Variants in MSTO1 observed in about 807,000 individuals in gnomAD.
MSTO1 encodes the protein misato mitochondrial distribution and morphology regulator 1.
A neutral mutation model predicts 55.7 loss-of-function variants in MSTO1; 24 were observed. The ratio of observed to expected loss-of-function variants is 0.43; its 90% CI spans 0.31 to 0.61. The LOEUF is 0.61. Among genes scored for constraint, MSTO1 ranks in the 20% least tolerant of loss-of-function variants. The probability of loss-of-function intolerance (pLI) is 0.09; values close to 1 mark genes in which losing one functional copy is unlikely to be tolerated. For synonymous variants in MSTO1, 162 were observed against 252.8 expected (o/e 0.64, Z 3.41); for missense variants, 363 against 625.7 (o/e 0.58, Z 4.48).
chr1:155,569,376 C>T, the MSTO1 span, among the ~76,000 whole-genome samples: 2,594 of 150,582 alleles, frequency 0.017, 83 homozygotes, highest in African/African-American at 0.061. Flanking sequence ...ACCTCATGAT[C>T]CGCCCATCTC....
chr1:155,609,535 A>T (rs1558251952), upstream of MSTO1, among the ~76,000 whole-genome samples: 1 of 152,116 alleles, frequency 6.6e-6, no homozygotes, highest in African/African-American at 2.4e-5. Context: ...GGCGTGAACC[A>T]CCGCGCCCAG....
At chr1:155,604,712 C>T in the MSTO1 span, among the ~76,000 whole-genome samples, 18 of 151,708 alleles carry the variant, frequency 1.2e-4, no homozygotes, top group Non-Finnish European at 2.4e-4. Flanking sequence ...CTCATCTCTA[C>T]AAAAAATGCA....
At chr1:155,598,961 T>C in the MSTO1 span, 3 of 1,137,436 alleles carry the variant, frequency 2.6e-6, no homozygotes, top group Non-Finnish European at 3.9e-6. Flanking sequence ...TTCAGTTATC[T>C]TGTTACCGTG....
upstream of MSTO1, among the ~76,000 whole-genome samples, chr1:155,607,501 G>T (rs1209488149): frequency 6.6e-6 from 1 of 152,200 alleles, no homozygotes; most frequent in Non-Finnish European, 1.5e-5. Context: ...AGGAATGCAA[G>T]ATAGTATTAC....
the MSTO1 span, among the ~76,000 whole-genome samples, chr1:155,579,814 C>T: frequency 1.3e-5 from 2 of 152,084 alleles, no homozygotes; most frequent in African/African-American, 2.4e-5. Context: ...CTGTGGTTCT[C>T]GCCTGTAATC....
the MSTO1 span, chr1:155,586,652 T>A: frequency 2.0e-6 from 1 of 510,738 alleles, no homozygotes; most frequent in Non-Finnish European, 3.9e-6. Flanking sequence ...TTTTTAAGAG[T>A]ACAAGGACAA....
chr1:155,607,826 T>A (rs1422572026), upstream of MSTO1, among the ~76,000 whole-genome samples: 1 of 152,136 alleles, frequency 6.6e-6, no homozygotes, highest in Non-Finnish European at 1.5e-5. Flanking sequence ...GTGAAACCCC[T>A]TCTGTACAAA....
chr1:155,579,472 C>T, the MSTO1 span, among the ~76,000 whole-genome samples: 1 of 152,292 alleles, frequency 6.6e-6, no homozygotes, highest in African/African-American at 2.4e-5. Flanking sequence ...CTATTGAGTT[C>T]CCCATCACTG....
chr1:155,603,833 G>A, the MSTO1 span, among the ~76,000 whole-genome samples: 1 of 152,100 alleles, frequency 6.6e-6, no homozygotes, highest in Non-Finnish European at 1.5e-5. Flanking sequence ...ACTCCAGTCT[G>A]GGTGACAGAG....
At chr1:155,582,553 G>A in the MSTO1 span, among the ~76,000 whole-genome samples, 3 of 151,866 alleles carry the variant, frequency 2.0e-5, no homozygotes, top group East Asian at 3.9e-4. Flanking sequence ...TCTGCCTCCC[G>A]GGTTCAAGCA....
rs563943670 is a variant in MSTO1, at chr1:155,612,440, G to A, written c.836G>A (p.Arg279His). The change falls in exon 9 of 14, where the codon CGT becomes CAT. Residue 279 changes from arginine (R) to histidine (H), a missense_variant. Arg to His is a conservative substitution (Grantham distance 29, BLOSUM62 0). Coordinates refer to ENST00000245564, the MANE Select transcript of MSTO1 (RefSeq NM_018116.4). ...HRGEAQRNIY[R>H]LLNTAFGLVH... ...CAGGAGGCCCAGAGAAACATCTATC[G>A]TCTATTAAACACAGCTTTTGGTCTC... 7.2e-5 allele frequency: 116 copies of A among 1,613,508 alleles called. 1 individual carries two copies. The highest frequency in any genetic ancestry group is 2.7e-4 in the Admixed American group (16 of 59,852).
At chr1:155,575,619 T>G in the MSTO1 span, among the ~76,000 whole-genome samples, 1 of 151,884 alleles carries the variant, frequency 6.6e-6, no homozygotes, top group African/African-American at 2.4e-5. Context: ...ATTTTTTAAA[T>G]TTTTTGTAGA....
At chr1:155,609,217 G>GTATATATATA (rs777579171), upstream of MSTO1, among the ~76,000 whole-genome samples, 203 of 84,476 alleles carry the variant, frequency 2.4e-3, 7 homozygotes, top group Middle Eastern at 8.5e-3. Flanking sequence ...ATTATCAGCA[G>GTATATATATA]TATATATATA....
chr1:155,591,166 T>G, the MSTO1 span: 1 of 1,613,230 alleles, frequency 6.2e-7, no homozygotes, highest in Non-Finnish European at 8.5e-7. Flanking sequence ...ATGAAAGTGG[T>G]CACTTTCCAC....
At chr1:155,611,390 G>A (rs763115466) in intron 4 of MSTO1, 99 bp downstream of exon 4, 2 of 1,609,330 alleles carry the variant, frequency 1.2e-6, no homozygotes, top group Non-Finnish European at 1.7e-6. Flanking sequence ...AAGTGTCTTA[G>A]AATGATATTT....
the MSTO1 span, among the ~76,000 whole-genome samples, chr1:155,566,626 T>A: frequency 6.6e-6 from 1 of 151,804 alleles, no homozygotes; most frequent in Non-Finnish European, 1.5e-5. Context: ...TTTTTTTTTT[T>A]ATTCTTGAGA....
the MSTO1 span, among the ~76,000 whole-genome samples, chr1:155,569,769 G>A: frequency 5.3e-5 from 8 of 151,288 alleles, no homozygotes; most frequent in Non-Finnish European, 1.2e-4. Context: ...GTTTTTTTAG[G>A]TTTTTTTTAC....
rs1558265785 is a variant in MSTO1 at position 155,612,485 on chromosome 1, G to T, written c.881G>T (p.Ser294Ile). ...AFGLVHLTAH[S>I]SLVCPLSLGG... is the part of the protein sequence containing the mutation. ...GGTCTCGTGCACCTGACTGCTCACA[G>T]CTCTCTTGTCTGCCCCTTGTCCTTG... is the stretch of plus-strand genomic sequence containing the variant. Residue 294 changes from serine to isoleucine, a missense_variant, in exon 9 of 14, where the codon AGC becomes ATC. Ser to Ile is a moderately radical substitution (Grantham distance 142). Around this residue, in one of 3 missense-constraint regions of MSTO1, gnomAD observed 231 missense variants for 286.9 expected, o/e 0.81. Transcript: ENST00000245564. 1.9e-6 allele frequency: 3 copies of T among 1,614,016 alleles called. No homozygotes were observed. The highest frequency in any genetic ancestry group is 2.5e-6 in the Non-Finnish European group (3 of 1,179,994).
chr1:155,563,438 G>A, the MSTO1 span: 4 of 456,608 alleles, frequency 8.8e-6, no homozygotes, highest in African/African-American at 6.0e-5. Flanking sequence ...GCCTCCGGGG[G>A]GATTCCTCCC....
Sources: allele counts gnomAD v4.1 joint callset (sites outside exome capture counted in the v4.1 genomes callset), GRCh38; gene constraint gnomAD v4.1.1; regional missense constraint gnomAD v4.1.1; transcripts MANE v1.5; gene names NCBI Gene and HGNC (gene_info 2026-07-23, HGNC 2026-07-21).